The following RAD51B variants were observed in gnomAD, a reference collection of about 807,000 sequenced individuals.
RAD51B encodes the protein RAD51 paralog B.
RAD51B carries 38 observed loss-of-function variants against 42.2 expected under a neutral mutation model. The observed-to-expected ratio is 0.90, with a 90% CI of 0.70 to 1.18. RAD51B has a LOEUF of 1.18. Among genes scored for constraint, RAD51B ranks in the 50% most tolerant of loss-of-function variants. The pLI is 0.00. For missense variants in RAD51B, 373 were observed against 400.7 expected (o/e 0.93, Z 0.59); for synonymous variants, 154 against 145.2 (o/e 1.06, Z -0.43).
At chr14:68,156,341 C>A (rs1373081886) in intron 7 of RAD51B, among the ~76,000 whole-genome samples, 1 of 152,148 alleles carries the variant, frequency 6.6e-6, no homozygotes, top group Non-Finnish European at 1.5e-5. Context: ...TTTGCTATAA[C>A]ATTGTTATTC....
rs1159749376 is a variant in RAD51B at position 68,445,183 on chromosome 14, G to C, written c.958-22989G>C. Among the ~76,000 whole-genome samples, 3 of 152,084 alleles carry C rather than the reference G, an allele frequency of 2.0e-5. 1 individual carries two copies. Among genetic ancestry groups the C allele is most frequent in the East Asian group, 3.9e-4 (2 of 5,172 alleles). On this transcript the variant is annotated intron_variant, in intron 9 of 10. Transcript: ENST00000471583. ...GCAGGCTGAAGAGTTAGCCCACAAGGCTTTCAACAAAGGGACAATTTAGGG... is the reference window on the plus strand; with the variant it reads ...GCAGGCTGAAGAGTTAGCCCACAAGCCTTTCAACAAAGGGACAATTTAGGG...
At chr14:67,938,591 A>T (rs1378885757) in intron 7 of RAD51B, among the ~76,000 whole-genome samples, 1 of 152,210 alleles carries the variant, frequency 6.6e-6, no homozygotes, top group East Asian at 1.9e-4. Context: ...GGTGGTTGTG[A>T]AACTCCTTGC....
At chr14:68,169,698 T>C (rs983788261) in intron 7 of RAD51B, among the ~76,000 whole-genome samples, 2 of 152,162 alleles carry the variant, frequency 1.3e-5, no homozygotes, top group African/African-American at 4.8e-5. Flanking sequence ...TGATGCACAT[T>C]CATGGAAGGG....
chr14:68,440,315 G>T (rs2085254828), intron 9 of RAD51B, among the ~76,000 whole-genome samples: 1 of 152,192 alleles, frequency 6.6e-6, no homozygotes, highest in Non-Finnish European at 1.5e-5. Context: ...CACATTTCAT[G>T]ACAACTTTCA....
chr14:68,162,500 G>A (rs1452314219), intron 7 of RAD51B, among the ~76,000 whole-genome samples: 1 of 151,976 alleles, frequency 6.6e-6, no homozygotes, highest in Admixed American at 6.6e-5. Flanking sequence ...TTTAAAATCC[G>A]AGCTGCCGGG....
chr14:68,563,947 A>C, intron 10 of RAD51B: 1 of 971,612 alleles, frequency 1.0e-6, no homozygotes, highest in Non-Finnish European at 1.2e-6. Context: ...CTGATAGAGA[A>C]CTCTTGGGTG....
intron 7 of RAD51B, among the ~76,000 whole-genome samples, chr14:67,916,853 C>T (rs774295570): frequency 3.9e-5 from 6 of 152,172 alleles, no homozygotes; most frequent in Admixed American, 6.5e-5. Context: ...GACAGTCTTT[C>T]CCTTAGTGCA....
intron 7 of RAD51B, among the ~76,000 whole-genome samples, chr14:68,207,220 A>G (rs1161609444): frequency 6.6e-6 from 1 of 152,172 alleles, no homozygotes; most frequent in Non-Finnish European, 1.5e-5. Context: ...ACACACACAC[A>G]CACACATACA....
intron 7 of RAD51B, among the ~76,000 whole-genome samples, chr14:67,905,049 A>G (rs941103902): frequency 6.0e-5 from 9 of 149,590 alleles, no homozygotes; most frequent in Admixed American, 1.3e-4. Flanking sequence ...TTTAAGTTTT[A>G]TATTTAAGTC....
chr14:68,141,543 A>G (rs892844195), intron 7 of RAD51B, among the ~76,000 whole-genome samples: 1 of 152,234 alleles, frequency 6.6e-6, no homozygotes, highest in African/African-American at 2.4e-5. Flanking sequence ...GTATTCTGTA[A>G]TACATAAATA....
In RAD51B at chr14:68,551,999, AC is replaced by A. The variant is rs1263361777; in HGVS notation, c.1037-42485del. Among the ~76,000 whole-genome samples the A allele has an allele frequency of 5.9e-5, 9 of 152,316 alleles. No homozygotes were observed. In the East Asian group the frequency reaches 1.5e-3, roughly 26 times the overall value. On this transcript the variant is annotated intron_variant, in intron 10 of 10. Transcript: ENST00000487270. ...ACCTAAGGCAGTGTTGCAAGTGGAG[AC>A]TAAAGACCAAATCTGCCCCATAGAT... is the stretch of plus-strand genomic sequence containing the variant.
chr14:68,143,585 G>A (rs2078182967), intron 7 of RAD51B, among the ~76,000 whole-genome samples: 1 of 152,114 alleles, frequency 6.6e-6, no homozygotes. Context: ...CTCTTATTTT[G>A]AGCTCCCCCC....
At chr14:68,213,907 T>G (rs2079761392) in intron 7 of RAD51B, among the ~76,000 whole-genome samples, 1 of 152,186 alleles carries the variant, frequency 6.6e-6, no homozygotes, top group African/African-American at 2.4e-5. Context: ...GTAGATGCCA[T>G]TGGTGTCTAA....
chr14:68,615,377 G>A (rs546864981), downstream of RAD51B, among the ~76,000 whole-genome samples: 3 of 150,812 alleles, frequency 2.0e-5, no homozygotes, highest in Non-Finnish European at 2.9e-5. Flanking sequence ...ACGGAGTCTC[G>A]CTCTGTCGCC....
intron 7 of RAD51B, among the ~76,000 whole-genome samples, chr14:68,270,048 G>C (rs1595634475): frequency 6.6e-6 from 1 of 152,224 alleles, no homozygotes; most frequent in South Asian, 2.1e-4. Flanking sequence ...ATTTCAGGTA[G>C]TCATGTAATA....
chr14:68,051,016 A>C (rs1042331057), intron 7 of RAD51B, among the ~76,000 whole-genome samples: 1 of 151,826 alleles, frequency 6.6e-6, no homozygotes, highest in African/African-American at 2.4e-5. Flanking sequence ...TATATATATC[A>C]ATAAGATTTT....
At chr14:67,842,560 G>A (rs2041465367) in intron 4 of RAD51B, among the ~76,000 whole-genome samples, 1 of 152,068 alleles carries the variant, frequency 6.6e-6, no homozygotes, top group South Asian at 2.1e-4. Context: ...AGTAGAGATG[G>A]GGTTTCACCA....
At chr14:68,586,739 TCACCCCTGTAATCCCAG>T (rs1566946249) in intron 10 of RAD51B, among the ~76,000 whole-genome samples, 1 of 152,182 alleles carries the variant, frequency 6.6e-6, no homozygotes, top group Non-Finnish European at 1.5e-5. Context: ...GTGCGGTGTT[TCACCCCTGTAATCCCAG>T]CACTTTGGGA....
chr14:68,216,128 A>C (rs1015745521), intron 7 of RAD51B, among the ~76,000 whole-genome samples: 2 of 152,242 alleles, frequency 1.3e-5, no homozygotes, highest in African/African-American at 4.8e-5. Flanking sequence ...AAAGTCAGTG[A>C]GGTTCAATGC....
Sources: allele counts gnomAD v4.1 joint callset (sites outside exome capture counted in the v4.1 genomes callset), GRCh38; gene constraint gnomAD v4.1.1; transcripts MANE v1.5; gene names NCBI Gene and HGNC (gene_info 2026-07-23, HGNC 2026-07-21).